Variants in ZNF26 observed in about 807,000 individuals in gnomAD.
ZNF26 encodes zinc finger protein 26.
ZNF26 carries 32 observed loss-of-function variants against 54.9 expected under a neutral mutation model. The observed-to-expected ratio is 0.58, with a 90% CI of 0.44 to 0.78. The LOEUF (loss-of-function observed/expected upper bound fraction) is 0.78. Ranked by LOEUF, ZNF26 falls within the 30% of genes least tolerant of loss-of-function variation. The pLI is 0.00. For synonymous variants in ZNF26, 221 were observed against 209.2 expected (o/e 1.06, Z -0.49); for missense variants, 524 against 634.0 (o/e 0.83, Z 1.86).
chr12:133,019,151 A>G lies in ZNF26; in HGVS notation c.*7670A>G, dbSNP rs1593678801. The G allele has an allele frequency of 6.6e-6, 1 of 152,230 alleles. No individual in the cohort carries two copies. The highest frequency in any genetic ancestry group is 1.9e-4 in the East Asian group (1 of 5,202). The allele number at this position is 152,230 out of a possible 1,614,324, so 9.4% of individuals were successfully genotyped here. A position where few individuals can be genotyped will look rare whatever the true frequency, so the allele number is the denominator to read the frequency against. ...ATAAAGAAAAGTATTTTGTAAAGAT[A>G]AGTCATCAAGAAGATGTAACAATTA... On this transcript the variant is annotated 3_prime_UTR_variant, in exon 4 of 4. Coordinates refer to ENST00000328654, the MANE Select transcript of ZNF26 (RefSeq NM_019591.4).
Position 133,018,164 on chromosome 12 carries a change from T to G in ZNF26, c.*6683T>G, listed in dbSNP as rs1199115257. On this transcript the variant is annotated 3_prime_UTR_variant, in exon 4 of 4. Coordinates refer to ENST00000328654, the MANE Select transcript of ZNF26 (RefSeq NM_019591.4). ...TAAGGAAATGGCTCTAGATGGCAACTTAAAGCCACAAGAATAAGCTGAGAG... is the reference window on the plus strand; with the variant it reads ...TAAGGAAATGGCTCTAGATGGCAACGTAAAGCCACAAGAATAAGCTGAGAG... 1 of 152,160 alleles carries G rather than the reference T, an allele frequency of 6.6e-6. No individual in the cohort carries two copies. The highest frequency in any genetic ancestry group is 1.5e-5 in the Non-Finnish European group (1 of 68,038). The allele number at this position is 152,160 out of a possible 1,614,324, so 9.4% of individuals were successfully genotyped here.
chr12:133,005,837 A>G (rs1953313385), intron 1 of ZNF26: 3 of 153,630 alleles, frequency 2.0e-5, no homozygotes, highest in African/African-American at 7.2e-5. Context: ...CCTGGCCTCC[A>G]GAACCTTGAG....
rs1345498795 is a variant in ZNF26, at chr12:133,018,792, A to G, written c.*7311A>G. On this transcript the variant is annotated 3_prime_UTR_variant, in exon 4 of 4. Transcript: ENST00000328654. ...CTATTTTATTTTATTTTATTTATTTATTTATAGAGATGGAGGTATCAAACT... is the reference window on the plus strand; with the variant it reads ...CTATTTTATTTTATTTTATTTATTTGTTTATAGAGATGGAGGTATCAAACT... The G allele has an allele frequency of 2.0e-5, 3 of 151,930 alleles. No homozygotes were observed. Among genetic ancestry groups the G allele is most frequent in the African/African-American group, 4.8e-5 (2 of 41,322 alleles). 9.4% of individuals were successfully genotyped at this position (151,930 alleles called of 1,614,324 possible). A position where few individuals can be genotyped will look rare whatever the true frequency, so the allele number is the denominator to read the frequency against.
At position 133,023,599 on chromosome 12, in the gene ZNF26, C is replaced by T. The variant is rs1274217907; in HGVS notation, c.*12118C>T. On this transcript the variant is annotated 3_prime_UTR_variant, in exon 4 of 4. Coordinates refer to ENST00000328654, the MANE Select transcript of ZNF26 (RefSeq NM_019591.4). ...ACCATAGGAAATTACAATAATCAAC[C>T]ATGTTTTACATATGTGGCAGATTTT... is the stretch of plus-strand genomic sequence containing the variant. The T allele has an allele frequency of 2.0e-5, 3 of 151,758 alleles. No individual in the cohort carries two copies. The highest frequency in any genetic ancestry group is 4.4e-5 in the Non-Finnish European group (3 of 67,960). The allele number at this position is 151,758 out of a possible 1,614,324, so 9.4% of individuals were successfully genotyped here.
intron 1 of ZNF26, chr12:133,006,119 C>T (rs1953319001): frequency 2.0e-6 from 2 of 985,340 alleles, no homozygotes; most frequent in Non-Finnish European, 2.4e-6. Context: ...CTGCTGTTCC[C>T]TCCCAGCCCC....
chr12:133,010,568 A>C lies in ZNF26; in HGVS notation c.689A>C (p.Tyr230Ser). The C allele has an allele frequency of 6.2e-7, 1 of 1,614,068 alleles. No individual in the cohort carries two copies. The highest frequency in any genetic ancestry group is 1.3e-5 in the African/African-American group (1 of 75,004). The change falls in exon 4 of 4, where the codon TAC (tyrosine) becomes TCC (serine). Residue 230 changes from tyrosine to serine, a missense_variant. Coordinates refer to ENST00000328654, the MANE Select transcript of ZNF26 (RefSeq NM_019591.4). ...AGAGTTCATACAGGAGAAAAACCCTACTCATGTAGTGAGTGCGAGAAGGTC... is the reference window on the plus strand; with the variant it reads ...AGAGTTCATACAGGAGAAAAACCCTCCTCATGTAGTGAGTGCGAGAAGGTC... ...HQRVHTGEKP[Y>S]SCSECEKVFS...
chr12:133,020,460 ATTTTGT>A lies in ZNF26; in HGVS notation c.*8982_*8987del, dbSNP rs1259524369. 1 of 151,856 alleles carries A rather than the reference ATTTTGT, an allele frequency of 6.6e-6. No homozygotes were observed. Among genetic ancestry groups the A allele is most frequent in the Non-Finnish European group, 1.5e-5 (1 of 67,992 alleles). The allele number at this position is 151,856 out of a possible 1,614,324, so 9.4% of individuals were successfully genotyped here. A position where few individuals can be genotyped will look rare whatever the true frequency, so the allele number is the denominator to read the frequency against. ...ATGATAATATTTATAATATATTTAC[ATTTTGT>A]TTATATATTTATATTTTGCCTCAAA... On this transcript the variant is annotated 3_prime_UTR_variant, in exon 4 of 4. Coordinates refer to ENST00000328654, the MANE Select transcript of ZNF26 (RefSeq NM_019591.4).
At position 133,010,862 on chromosome 12, in the gene ZNF26, A is replaced by G. The variant is rs1018071843; in HGVS notation, c.983A>G (p.Tyr328Cys). 2.3e-5 allele frequency: 37 copies of G among 1,613,968 alleles called. No individual in the cohort carries two copies. The highest frequency in any genetic ancestry group is 1.1e-4 in the South Asian group (10 of 91,082). The change falls in exon 4 of 4, where the codon TAT (tyrosine) becomes TGT (cysteine). Residue 328 changes from tyrosine to cysteine, a missense_variant. Physicochemically the swap from Tyr to Cys is radical, Grantham distance 194. Transcript: ENST00000328654. ...ECGKAFRSKS[Y>C]LLVHIRMHTG... Reference sequence around the variant, plus strand: ...GGGAAAGCCTTTAGGAGTAAGTCCTATCTCCTTGTTCACATCCGAATGCAT... The same window carrying G: ...GGGAAAGCCTTTAGGAGTAAGTCCTGTCTCCTTGTTCACATCCGAATGCAT...
chr12:132,995,466 T>C (rs982229700), intron 1 of ZNF26, among the ~76,000 whole-genome samples: 14 of 152,032 alleles, frequency 9.2e-5, no homozygotes, highest in Non-Finnish European at 1.8e-4. Flanking sequence ...AATATTTACA[T>C]AGTTATATAT....
intron 1 of ZNF26, among the ~76,000 whole-genome samples, chr12:132,999,638 T>C (rs1008240592): frequency 7.2e-5 from 11 of 152,214 alleles, no homozygotes; most frequent in African/African-American, 2.7e-4. Context: ...AACACTTTAT[T>C]GTGTCAAGGA....
chr12:132,999,158 G>T (rs957387919), intron 1 of ZNF26, among the ~76,000 whole-genome samples: 17 of 152,194 alleles, frequency 1.1e-4, no homozygotes, highest in Non-Finnish European at 1.5e-5. Flanking sequence ...AGAGTCAGTG[G>T]AACAGAAGCC....
At chr12:132,999,140 A>G (rs1399746030) in intron 1 of ZNF26, among the ~76,000 whole-genome samples, 1 of 152,228 alleles carries the variant, frequency 6.6e-6, no homozygotes, top group Non-Finnish European at 1.5e-5. Flanking sequence ...AGCTGTTTAC[A>G]CAGTTCCAGA....
rs61978628 is a variant in ZNF26, at chr12:133,010,989, T to C, written c.1110T>C (p.Tyr370=). Residue 370 remains tyrosine (Y), a synonymous_variant, in exon 4 of 4, where the codon TAT becomes TAC. Coordinates refer to ENST00000328654, the MANE Select transcript of ZNF26 (RefSeq NM_019591.4). ...HQGVHTGNNP[Y]QCGECGKAFG... Reference sequence around the variant, plus strand: ...GAGTTCACACAGGAAATAATCCTTATCAATGCGGTGAATGTGGGAAAGCCT... The same window carrying C: ...GAGTTCACACAGGAAATAATCCTTACCAATGCGGTGAATGTGGGAAAGCCT... 9,198 of 1,614,100 alleles carry C rather than the reference T, an allele frequency of 5.7e-3. 441 individuals carry two copies. The African/African-American group carries it at 0.1, about 18-fold the overall frequency.
chr12:133,012,590 T>TTTTTTG lies in ZNF26; in HGVS notation c.*1114_*1115insGTTTTT. ...TTTTGTTGTTTGGGTTTTTTTTTTTTTTTTTTTTTTTTTTTTTTTGAGACT... is the reference window on the plus strand; with the variant it reads ...TTTTGTTGTTTGGGTTTTTTTTTTTTTTTTTGTTTTTTTTTTTTTTTTTTTGAGACT... On this transcript the variant is annotated 3_prime_UTR_variant, in exon 4 of 4. Coordinates refer to ENST00000328654, the MANE Select transcript of ZNF26 (RefSeq NM_019591.4). 8.1e-6 allele frequency: 1 copy of TTTTTTG among 123,910 alleles called. No homozygotes were observed. The highest frequency in any genetic ancestry group is 1.7e-5 in the Non-Finnish European group (1 of 58,068). 7.7% of individuals were successfully genotyped at this position (123,910 alleles called of 1,614,324 possible). A position where few individuals can be genotyped will look rare whatever the true frequency, so the allele number is the denominator to read the frequency against.
In ZNF26 at chr12:133,007,114, A is replaced by T; in HGVS notation, c.106A>T (p.Lys36Ter). 1 of 1,614,020 alleles carries T rather than the reference A, an allele frequency of 6.2e-7. No individual in the cohort carries two copies. Among genetic ancestry groups the T allele is most frequent in the Non-Finnish European group, 8.5e-7 (1 of 1,179,874 alleles). The change falls in exon 2 of 4, where the codon AAG becomes TAG. Residue 36 changes from lysine to a stop codon, truncating the protein, a stop_gained. Transcript: ENST00000328654. LOFTEE classifies it high-confidence loss of function. ...ATGGCAGCTACTGGATTCTACACAG[A>T]AGTACCTGTACAGAGATGTGATATT... ...DEWQLLDSTQ[K>*]YLYRDVILEN... is the part of the protein sequence containing the mutation.
rs1953670576 is a variant in ZNF26, at chr12:133,023,754, C to G, written c.*12273C>G. ...TGTTGGCTTGTGAGTCACTTGTAGC[C>G]AAAAGAATGTGGAGGAAGTGATCAT... On this transcript the variant is annotated 3_prime_UTR_variant, in exon 4 of 4. Coordinates refer to ENST00000328654, the MANE Select transcript of ZNF26 (RefSeq NM_019591.4). 6.6e-6 allele frequency: 1 copy of G among 152,134 alleles called. No homozygotes were observed. The highest frequency in any genetic ancestry group is 1.5e-5 in the Non-Finnish European group (1 of 68,038). 9.4% of individuals were successfully genotyped at this position (152,134 alleles called of 1,614,324 possible).
intron 1 of ZNF26, among the ~76,000 whole-genome samples, chr12:133,003,350 G>A (rs1419508129): frequency 6.6e-6 from 1 of 151,512 alleles, no homozygotes; most frequent in African/African-American, 2.4e-5. Context: ...TGCCTCCTGG[G>A]TTAACGCCAT....
At position 133,023,204 on chromosome 12, in the gene ZNF26, T is replaced by C. The variant is rs1424601396; in HGVS notation, c.*11723T>C. Reference sequence around the variant, plus strand: ...ATAGATAACACATTTTTCAGTTTTCTAGAATACTGCACATTATCAAAACTG... The same window carrying C: ...ATAGATAACACATTTTTCAGTTTTCCAGAATACTGCACATTATCAAAACTG... On this transcript the variant is annotated 3_prime_UTR_variant, in exon 4 of 4. Coordinates refer to ENST00000328654, the MANE Select transcript of ZNF26 (RefSeq NM_019591.4). 1.3e-5 allele frequency: 2 copies of C among 152,200 alleles called. No homozygotes were observed. The highest frequency in any genetic ancestry group is 4.8e-5 in the African/African-American group (2 of 41,454). 9.4% of individuals were successfully genotyped at this position (152,200 alleles called of 1,614,324 possible). A position where few individuals can be genotyped will look rare whatever the true frequency, so the allele number is the denominator to read the frequency against.
chr12:133,015,369 A>T lies in ZNF26; in HGVS notation c.*3888A>T, dbSNP rs1250482632. ...ACTCTGTCTCAAAAAAAAAAAAAAA[A>T]AGAAAAGAAAATGACAAACACATGT... On this transcript the variant is annotated 3_prime_UTR_variant, in exon 4 of 4. Transcript: ENST00000328654. 4 of 149,834 alleles carry T rather than the reference A, an allele frequency of 2.7e-5. No homozygotes were observed. In the Admixed American group the frequency reaches 2.7e-4, roughly 10 times the overall value. 9.3% of individuals were successfully genotyped at this position (149,834 alleles called of 1,614,324 possible).
Sources: gnomAD v4.1 joint callset for allele counts (sites outside exome capture counted in the v4.1 genomes callset) on GRCh38, gnomAD v4.1.1 for gene constraint, MANE v1.5 for transcripts, NCBI Gene and HGNC (gene_info 2026-07-23, HGNC 2026-07-21) for gene names.